CLK1: variants seen among roughly 807,000 people sequenced by gnomAD.
CLK1 encodes the protein dual specificity protein kinase CLK1.
A neutral mutation model predicts 60.9 loss-of-function variants in CLK1; 40 were observed. The ratio of observed to expected loss-of-function variants is 0.66; its 90% CI spans 0.51 to 0.86. The LOEUF (loss-of-function observed/expected upper bound fraction) is 0.86. Among genes scored for constraint, CLK1 ranks in the 40% least tolerant of loss-of-function variants. The probability of loss-of-function intolerance (pLI) is 0.00; values close to 1 mark genes in which losing one functional copy is unlikely to be tolerated. For missense variants in CLK1, 563 were observed against 606.1 expected, an observed-to-expected ratio of 0.93 and a Z score of 0.75; for synonymous variants, 203 against 184.4, an observed-to-expected ratio of 1.10 and a Z score of -0.82.
At position 200,854,067 on chromosome 2, in the gene CLK1, T is replaced by C; in HGVS notation, c.1221-74A>G. 3.2e-6 allele frequency: 3 copies of C among 951,912 alleles called. No individual in the cohort carries two copies. In the South Asian group the frequency reaches 4.4e-5, roughly 14 times the overall value. 59.0% of individuals were successfully genotyped at this position (951,912 alleles called of 1,614,324 possible). ...AACAGCTAGCAAAGGTATCAATTAC[T>C]ATGCTTTCCCAGATCACTTTTCTAG... On this transcript the variant is annotated intron_variant, in intron 11 of 12. Coordinates refer to ENST00000321356, the MANE Select transcript of CLK1 (RefSeq NM_004071.4).
At position 200,857,873 on chromosome 2, in the gene CLK1, T is replaced by C. The variant is rs2039069098; in HGVS notation, c.677A>G (p.Gln226Arg). The C allele has an allele frequency of 1.2e-6, 2 of 1,612,976 alleles. No individual in the cohort carries two copies. Among genetic ancestry groups the C allele is most frequent in the East Asian group, 2.2e-5 (1 of 44,870 alleles). The change falls in exon 7 of 13, where the codon CAG becomes CGG. Residue 226 changes from glutamine to arginine, a missense_variant. By Grantham distance (43) the Gln-to-Arg change is conservative (BLOSUM62 1). Coordinates refer to ENST00000321356, the MANE Select transcript of CLK1 (RefSeq NM_004071.4). Reference protein sequence around the residue: ...TDPNSTFRCVQMLEWFEHHGH... With the variant: ...TDPNSTFRCVRMLEWFEHHGH... ...ATGATGCTCAAACCATTCCAACATC[T>C]GGACACAGCGGCTACAAACACATGA...
In CLK1 at chr2:200,854,651, A is replaced by G; in HGVS notation, c.1185T>C (p.Leu395=). Residue 395 remains leucine (L), a synonymous_variant, in exon 11 of 13, where the codon CTT becomes CTC. Transcript: ENST00000321356. ...GTATCATATGTTTTGGTAGAGGTCC[A>G]AGAATCCTTTCCATCATTGCTAAAT... ...KEHLAMMERI[L]GPLPKHMIQK... 6.2e-7 allele frequency: 1 copy of G among 1,609,208 alleles called. No individual in the cohort carries two copies. The highest frequency in any genetic ancestry group is 1.1e-5 in the South Asian group (1 of 90,974).
At position 200,857,756 on chromosome 2, in the gene CLK1, A is replaced by G; in HGVS notation, c.794T>C (p.Ile265Thr). The change falls in exon 7 of 13, where the codon ATC (isoleucine) becomes ACC (threonine). Residue 265 changes from isoleucine (I) to threonine (T), a missense_variant. Coordinates refer to ENST00000321356, the MANE Select transcript of CLK1 (RefSeq NM_004071.4). ...NGFLPFRLDH[I>T]RKMAYQICKS... ...GCATATCTGATATGCCATCTTTCTG[A>G]TATGATCCAGTCGAAATGGTAGAAA... 2 of 1,610,296 alleles carry G rather than the reference A, an allele frequency of 1.2e-6. No homozygotes were observed. The highest frequency in any genetic ancestry group is 1.7e-6 in the Non-Finnish European group (2 of 1,178,266).
intron 3 of CLK1, chr2:200,860,762 T>C: frequency 8.0e-6 from 8 of 1,005,962 alleles, no homozygotes; most frequent in Non-Finnish European, 9.5e-6. Flanking sequence ...TCCATACTAA[T>C]ATATAACCCA....
chr2:200,860,494 TAAA>T (rs567191952), intron 3 of CLK1: 4 of 908,882 alleles, frequency 4.4e-6, no homozygotes, highest in African/African-American at 1.8e-5. Flanking sequence ...TTGTTTTTCT[TAAA>T]AAAAAAAAAT....
chr2:200,862,114 A>AC (rs1553606409), intron 1 of CLK1, among the ~76,000 whole-genome samples: 4 of 151,932 alleles, frequency 2.6e-5, no homozygotes, highest in African/African-American at 9.7e-5. Context: ...AAAAAAAAAA[A>AC]AGTGAAAAAA....
At position 200,853,228 on chromosome 2, in the gene CLK1, T is replaced by C; in HGVS notation, c.*78A>G. 8.9e-7 allele frequency: 1 copy of C among 1,126,032 alleles called. No homozygotes were observed. Among genetic ancestry groups the C allele is most frequent in the Non-Finnish European group, 1.2e-6 (1 of 812,392 alleles). The allele number at this position is 1,126,032 out of a possible 1,614,324, so 69.8% of individuals were successfully genotyped here. On this transcript the variant is annotated 3_prime_UTR_variant, in exon 13 of 13. Coordinates refer to ENST00000321356, the MANE Select transcript of CLK1 (RefSeq NM_004071.4). ...AAAATGTTAAGAATTTACAAAGCTG[T>C]ACAAAATAACTTAAAATTTAAAAAT...
intron 1 of CLK1, among the ~76,000 whole-genome samples, chr2:200,862,094 A>G (rs2039148488): frequency 7.0e-6 from 1 of 143,762 alleles, no homozygotes; most frequent in Non-Finnish European, 1.5e-5. Flanking sequence ...GATTTATTGG[A>G]AGAATGCAAA....
chr2:200,859,827 TA>T, intron 4 of CLK1, 81 bp from the exon 5 acceptor site: 1 of 1,572,038 alleles, frequency 6.4e-7, no homozygotes, highest in Middle Eastern at 1.9e-4. Flanking sequence ...CAATGTAGAT[TA>T]TTCTAGTTGA....
chr2:200,856,329 C>CA (rs1435522032), intron 9 of CLK1, among the ~76,000 whole-genome samples: 1 of 152,046 alleles, frequency 6.6e-6, no homozygotes, highest in African/African-American at 2.4e-5. Flanking sequence ...CTTGGCCTCC[C>CA]AAAGTGCTGG....
intron 3 of CLK1, chr2:200,860,970 T>C: frequency 8.2e-7 from 1 of 1,218,908 alleles, no homozygotes; most frequent in Non-Finnish European, 1.0e-6. Context: ...TTTGTAATAA[T>C]TTTCAACTAA....
intron 1 of CLK1, chr2:200,864,303 C>T: frequency 2.0e-6 from 3 of 1,468,816 alleles, no homozygotes; most frequent in Non-Finnish European, 2.7e-6. Flanking sequence ...GCTTCCTCAG[C>T]GGAGGGCAGA....
chr2:200,856,389 G>A (rs1433694867), intron 9 of CLK1, among the ~76,000 whole-genome samples: 2 of 151,850 alleles, frequency 1.3e-5, no homozygotes, highest in Non-Finnish European at 2.9e-5. Flanking sequence ...CCAAAGTGCT[G>A]AGATTACAGA....
In CLK1 at chr2:200,857,312, C is replaced by CA. The variant is rs912448080; in HGVS notation, c.833-328dup. 4.7e-5 allele frequency: 13 copies of CA among 275,898 alleles called. No homozygotes were observed. In the South Asian group the frequency reaches 7.1e-4, roughly 15 times the overall value. The allele number at this position is 275,898 out of a possible 1,614,324, so 17.1% of individuals were successfully genotyped here. ...CAAAGCGAGACTCCATTTCAAAAAACAAAAAAACCCAACAAAAAACCTCTG... is the reference window on the plus strand; with the variant it reads ...CAAAGCGAGACTCCATTTCAAAAAACAAAAAAAACCCAACAAAAAACCTCTG... On this transcript the variant is annotated intron_variant, in intron 7 of 12. Coordinates refer to ENST00000321356, the MANE Select transcript of CLK1 (RefSeq NM_004071.4).
rs1188728444 is a variant in CLK1, at chr2:200,858,053, A to G, written c.585T>C (p.Asn195=). 6.2e-7 allele frequency: 1 copy of G among 1,613,572 alleles called. No individual in the cohort carries two copies. The highest frequency in any genetic ancestry group is 8.5e-7 in the Non-Finnish European group (1 of 1,179,678). ...GRHVAVKIVK[N]VDRYCEAARS... ...GAGCAGCTTCACAGTATCTATCCAC[A>G]TTTTTAACTATTTTTACTGCTACAT... The change falls in exon 6 of 13, where the codon AAT becomes AAC. Residue 195 remains asparagine, a synonymous_variant. Transcript: ENST00000321356.
chr2:200,861,926 A>G, intron 1 of CLK1, 64 bp from the exon 2 acceptor site: 2 of 1,456,348 alleles, frequency 1.4e-6, no homozygotes, highest in Middle Eastern at 1.8e-4. Flanking sequence ...TAAAATTCGT[A>G]ATTACAAAGG....
chr2:200,859,649 C>T (rs1459862903), intron 5 of CLK1, 31 bp downstream of exon 5: 1 of 1,594,700 alleles, frequency 6.3e-7, no homozygotes, highest in Non-Finnish European at 8.6e-7. Flanking sequence ...TGCCAACTTC[C>T]CTAAAAGTAA....
chr2:200,863,968 CTTTCCTTGGGT>C (rs1490327184), intron 1 of CLK1: 2 of 1,055,580 alleles, frequency 1.9e-6, no homozygotes, highest in East Asian at 6.2e-5. Flanking sequence ...CAGCATTTCT[CTTTCCTTGGGT>C]TCCTAAATCT....
intron 3 of CLK1, 78 bp downstream of exon 3, chr2:200,861,160 T>C: frequency 6.5e-7 from 1 of 1,544,432 alleles, no homozygotes; most frequent in South Asian, 1.3e-5. Context: ...CTTTCTCAAA[T>C]AATCAAACAC....
Sources: allele counts gnomAD v4.1 joint callset (sites outside exome capture counted in the v4.1 genomes callset), GRCh38; gene constraint gnomAD v4.1.1; transcripts MANE v1.5; gene names NCBI Gene and HGNC (gene_info 2026-07-23, HGNC 2026-07-21).